TLK2: variants seen among roughly 807,000 people sequenced by gnomAD.
TLK2 encodes serine/threonine-protein kinase tousled-like 2.
Under a neutral mutation model 117.3 loss-of-function variants are expected in TLK2, and 6 were observed. The ratio of observed to expected loss-of-function variants is 0.05; its 90% CI spans 0.03 to 0.10. The LOEUF is 0.10. Ranked by LOEUF, TLK2 falls within the 10% of genes least tolerant of loss-of-function variation. The pLI, the probability that TLK2 is intolerant of heterozygous loss-of-function variation, is 1.00. For synonymous variants in TLK2, 257 were observed against 316.7 expected, an observed-to-expected ratio of 0.81 and a Z score of 2.00; for missense variants, 299 against 901.2, an observed-to-expected ratio of 0.33 and a Z score of 8.56.
chr17:62,508,897 G>A, intron 2 of TLK2, among the ~76,000 whole-genome samples: 1 of 152,112 alleles, frequency 6.6e-6, no homozygotes. Flanking sequence ...GAACCCGGGA[G>A]GTGGAGGTTG....
At chr17:62,484,624 A>G (rs556530237) in intron 2 of TLK2, among the ~76,000 whole-genome samples, 1 of 152,194 alleles carries the variant, frequency 6.6e-6, no homozygotes, top group South Asian at 2.1e-4. Context: ...TACCAGTAAG[A>G]CATCGTACCT....
chr17:62,550,347 G>A (rs1173064622), intron 7 of TLK2: 1 of 152,154 alleles, frequency 6.6e-6, no homozygotes, highest in Non-Finnish European at 1.5e-5. Context: ...CTTGTTATAT[G>A]CTCTTTTAGC....
At chr17:62,520,001 G>A (rs1456088484) in intron 2 of TLK2, among the ~76,000 whole-genome samples, 1 of 152,176 alleles carries the variant, frequency 6.6e-6, no homozygotes, top group Non-Finnish European at 1.5e-5. Flanking sequence ...TAGGTCCTTT[G>A]AGATACTCTG....
In TLK2 at chr17:62,580,413, G is replaced by T. The variant is rs189422532; in HGVS notation, c.1368+221G>T. Among the ~76,000 whole-genome samples, 359 of 151,030 alleles carry T rather than the reference G, an allele frequency of 2.4e-3. 3 individuals are homozygous for T. The highest frequency in any genetic ancestry group is 6.7e-3 in the African/African-American group (276 of 41,040). On this transcript the variant is annotated intron_variant, in intron 15 of 21. Transcript: ENST00000346027. ...CAAGTTTGAAAAATAAATAATTATA[G>T]ATTTAAAAAACAAGAAGGAAATATA...
chr17:62,503,415 CTTT>C (rs35652112), intron 2 of TLK2, among the ~76,000 whole-genome samples: 27 of 93,988 alleles, frequency 2.9e-4, no homozygotes, highest in Admixed American at 3.5e-4. Flanking sequence ...TTAGTTATAA[CTTT>C]TTTTTTTTTT....
chr17:62,526,513 A>G (rs2076375341), intron 6 of TLK2, among the ~76,000 whole-genome samples: 1 of 152,194 alleles, frequency 6.6e-6, no homozygotes, highest in Non-Finnish European at 1.5e-5. Context: ...TCTGCCTTTG[A>G]GATGAATGAA....
chr17:62,529,128 C>T (rs377744156), intron 6 of TLK2, among the ~76,000 whole-genome samples: 8 of 152,286 alleles, frequency 5.3e-5, no homozygotes, highest in African/African-American at 1.7e-4. Context: ...ATATTTGTAT[C>T]TCTCGCTGTG....
chr17:62,548,655 G>A (rs1452681994), intron 7 of TLK2, among the ~76,000 whole-genome samples: 2 of 152,078 alleles, frequency 1.3e-5, no homozygotes, highest in Non-Finnish European at 2.9e-5. Context: ...AGAAAACTTA[G>A]AATCAGATAT....
Position 62,615,034 on chromosome 17 carries a change from CTTTTT to C in TLK2, c.*2473_*2477del, listed in dbSNP as rs879765911. ...TTAAGCCTTCCCAGTAACTTCCTGC[CTTTTT>C]TTTCCCCGTGGGCTTTTAAGTGAAG... On this transcript the variant is annotated 3_prime_UTR_variant, in exon 22 of 22. Transcript: ENST00000346027. The C allele has an allele frequency of 6.6e-6, 1 of 151,914 alleles. No individual in the cohort carries two copies. The highest frequency in any genetic ancestry group is 1.5e-5 in the Non-Finnish European group (1 of 67,994). 9.4% of individuals were successfully genotyped at this position (151,914 alleles called of 1,614,324 possible).
At chr17:62,595,421 T>C (rs2082401033) in intron 16 of TLK2, among the ~76,000 whole-genome samples, 1 of 152,126 alleles carries the variant, frequency 6.6e-6, no homozygotes, top group African/African-American at 2.4e-5. Context: ...AGATAATTGT[T>C]AGGTGCTAGA....
At chr17:62,583,074 T>C (rs2081332767) in intron 15 of TLK2, among the ~76,000 whole-genome samples, 1 of 151,234 alleles carries the variant, frequency 6.6e-6, no homozygotes, top group South Asian at 2.1e-4. Flanking sequence ...TATAGTGCTG[T>C]TGTTTTTGTT....
intron 2 of TLK2, among the ~76,000 whole-genome samples, chr17:62,495,652 A>ATT (rs1285424586): frequency 8.5e-5 from 3 of 35,128 alleles, no homozygotes; most frequent in African/African-American, 1.5e-4. Flanking sequence ...AATTTTAAAA[A>ATT]TTATATATAT....
intron 2 of TLK2, among the ~76,000 whole-genome samples, chr17:62,484,263 T>C (rs1448145241): frequency 6.6e-6 from 1 of 152,084 alleles, no homozygotes; most frequent in Non-Finnish European, 1.5e-5. Context: ...TTCTGTAGTT[T>C]GCAGAGCCGG....
chr17:62,560,274 A>G lies in TLK2; in HGVS notation c.831+148A>G, dbSNP rs1400527260. On this transcript the variant is annotated intron_variant, in intron 10 of 21. Coordinates refer to ENST00000346027, the MANE Select transcript of TLK2 (RefSeq NM_006852.6). ...TTGACAATTAGAATTTTTTCCTTAC[A>G]TGGACACCAGACCAACCATCCAGAG... The G allele has an allele frequency of 1.9e-5, 10 of 531,052 alleles. No homozygotes were observed. The South Asian group carries it at 2.3e-4, about 12-fold the overall frequency. 32.9% of individuals were successfully genotyped at this position (531,052 alleles called of 1,614,324 possible).
chr17:62,483,161 A>G (rs1417960450), intron 2 of TLK2, among the ~76,000 whole-genome samples: 1 of 152,194 alleles, frequency 6.6e-6, no homozygotes, highest in Non-Finnish European at 1.5e-5. Context: ...GCATAAGGCT[A>G]ATGTCCAGAT....
intron 16 of TLK2, among the ~76,000 whole-genome samples, chr17:62,586,807 C>T (rs866480063): frequency 1.4e-5 from 2 of 147,974 alleles, no homozygotes; most frequent in Non-Finnish European, 1.5e-5. Context: ...GGTGATGGTG[C>T]GAGTGCGAGA....
chr17:62,592,562 A>G (rs760532321), intron 16 of TLK2, among the ~76,000 whole-genome samples: 2 of 152,144 alleles, frequency 1.3e-5, no homozygotes, highest in Non-Finnish European at 2.9e-5. Flanking sequence ...GGTATAGCCC[A>G]TTGCTCCTAG....
chr17:62,582,644 G>A lies in TLK2; in HGVS notation c.1368+2452G>A, dbSNP rs571593185. The stretch of plus-strand genomic sequence containing the variant: ...TTTATTTTCTTTGTAATTTTTTATT[G>A]TAAAAAGATAGATATAAAATTTACC... On this transcript the variant is annotated intron_variant, in intron 15 of 21. Transcript: ENST00000346027. 3.3e-5 allele frequency among the ~76,000 whole-genome samples: 5 copies of A among 151,672 alleles called. No individual in the cohort carries two copies. In the East Asian group the frequency reaches 7.8e-4, roughly 24 times the overall value.
At chr17:62,542,567 T>C (rs534566993) in intron 7 of TLK2, among the ~76,000 whole-genome samples, 55 of 152,334 alleles carry the variant, frequency 3.6e-4, no homozygotes, top group African/African-American at 1.1e-3. Context: ...ATTGAGTCTT[T>C]TCTGCTTTGT....
Sources: allele counts gnomAD v4.1 joint callset (sites outside exome capture counted in the v4.1 genomes callset), GRCh38; gene constraint gnomAD v4.1.1; transcripts MANE v1.5; gene names NCBI Gene and HGNC (gene_info 2026-07-23, HGNC 2026-07-21).